Variants in UNC5D observed in about 807,000 individuals in gnomAD.
UNC5D encodes the protein unc-5 netrin receptor D.
A neutral mutation model predicts 105.4 loss-of-function variants in UNC5D; 39 were observed. The observed-to-expected ratio is 0.37, with a 90% CI of 0.29 to 0.48. The LOEUF is 0.48. UNC5D is among the 20% of genes least tolerant of loss of function. The pLI, the probability that UNC5D is intolerant of heterozygous loss-of-function variation, is 0.98. For synonymous variants in UNC5D, 452 were observed against 450.4 expected (o/e 1.00, Z -0.04); for missense variants, 991 against 1,202.4 (o/e 0.82, Z 2.60).
intron 1 of UNC5D, among the ~76,000 whole-genome samples, chr8:35,271,692 TATACATG>T (rs1249296590): frequency 1.7e-4 from 14 of 80,524 alleles, no homozygotes; most frequent in South Asian, 1.2e-3. Flanking sequence ...TGTATACATG[TATACATG>T]TATACATATA....
At chr8:35,759,903 G>C (rs958148480) in intron 14 of UNC5D, among the ~76,000 whole-genome samples, 1 of 152,164 alleles carries the variant, frequency 6.6e-6, no homozygotes, top group Admixed American at 6.5e-5. Flanking sequence ...GTTGTAGAGA[G>C]CTATGGCTAG....
At chr8:35,339,213 A>T (rs1163392671) in intron 1 of UNC5D, among the ~76,000 whole-genome samples, 1 of 152,184 alleles carries the variant, frequency 6.6e-6, no homozygotes, top group Non-Finnish European at 1.5e-5. Flanking sequence ...TTGAGAGCTA[A>T]TTGAGTGGTT....
At chr8:35,549,596 C>A in intron 2 of UNC5D, 86 bp downstream of exon 2, 1 of 1,285,032 alleles carries the variant, frequency 7.8e-7, no homozygotes, top group Non-Finnish European at 1.1e-6. Flanking sequence ...TGGAAATCAC[C>A]CCCCATTGCC....
At chr8:35,659,218 T>C (rs957844893) in intron 4 of UNC5D, among the ~76,000 whole-genome samples, 2 of 152,176 alleles carry the variant, frequency 1.3e-5, no homozygotes, top group Non-Finnish European at 2.9e-5. Context: ...TGAGATTGTA[T>C]ATTAAATCTA....
At chr8:35,603,346 A>G (rs1185809926) in intron 4 of UNC5D, among the ~76,000 whole-genome samples, 2 of 152,066 alleles carry the variant, frequency 1.3e-5, no homozygotes, top group Admixed American at 6.6e-5. Context: ...CATGTAGTTG[A>G]GCAGTTTTGA....
chr8:35,327,117 G>A (rs997162758), intron 1 of UNC5D, among the ~76,000 whole-genome samples: 1 of 152,110 alleles, frequency 6.6e-6, no homozygotes, highest in Non-Finnish European at 1.5e-5. Context: ...GTGCCTTGGC[G>A]GAAAGATGAA....
At chr8:35,439,892 A>G (rs1807281290) in intron 1 of UNC5D, among the ~76,000 whole-genome samples, 1 of 152,050 alleles carries the variant, frequency 6.6e-6, no homozygotes, top group South Asian at 2.1e-4. Context: ...TTAGTCAAAA[A>G]TCTCTCAGGA....
chr8:35,535,463 G>C (rs1328473383), intron 1 of UNC5D, among the ~76,000 whole-genome samples: 1 of 148,742 alleles, frequency 6.7e-6, no homozygotes, highest in Admixed American at 6.8e-5. Flanking sequence ...TTTTTTTTAA[G>C]CTCCGTAAGT....
intron 1 of UNC5D, among the ~76,000 whole-genome samples, chr8:35,286,033 A>G (rs1306972551): frequency 6.6e-6 from 1 of 152,146 alleles, no homozygotes; most frequent in Non-Finnish European, 1.5e-5. Context: ...TGAGGCCCCA[A>G]AGTTTTATAT....
intron 2 of UNC5D, among the ~76,000 whole-genome samples, chr8:35,553,814 G>C (rs751368774): frequency 6.6e-6 from 1 of 152,184 alleles, no homozygotes; most frequent in Admixed American, 6.5e-5. Context: ...CTGGGAAACA[G>C]GACTTGACTA....
intron 4 of UNC5D, among the ~76,000 whole-genome samples, chr8:35,619,569 T>C (rs1036299765): frequency 6.6e-6 from 1 of 152,342 alleles, no homozygotes; most frequent in East Asian, 1.9e-4. Flanking sequence ...TGTGTCTGTC[T>C]GTCTGTTTCA....
chr8:35,582,003 C>T (rs187069301), intron 3 of UNC5D, among the ~76,000 whole-genome samples: 11 of 152,284 alleles, frequency 7.2e-5, no homozygotes, highest in Admixed American at 3.3e-4. Context: ...ATGATAATCT[C>T]TTTGCTGCTT....
chr8:35,695,218 TTC>T (rs1316026551), intron 7 of UNC5D, among the ~76,000 whole-genome samples: 1 of 152,176 alleles, frequency 6.6e-6, no homozygotes, highest in Non-Finnish European at 1.5e-5. Flanking sequence ...TTCCTAGAGC[TTC>T]TGATAAGTAG....
chr8:35,251,850 C>T (rs1324758292), intron 1 of UNC5D, among the ~76,000 whole-genome samples: 1 of 151,996 alleles, frequency 6.6e-6, no homozygotes, highest in African/African-American at 2.4e-5. Flanking sequence ...CCTGGTAGTT[C>T]CTCATACGGA....
At chr8:35,305,283 C>T (rs1425027005) in intron 1 of UNC5D, among the ~76,000 whole-genome samples, 1 of 152,004 alleles carries the variant, frequency 6.6e-6, no homozygotes, top group Non-Finnish European at 1.5e-5. Context: ...CTTAAAATAG[C>T]ATGGAATTCT....
intron 1 of UNC5D, among the ~76,000 whole-genome samples, chr8:35,521,465 T>C (rs944912998): frequency 1.3e-5 from 2 of 152,164 alleles, no homozygotes; most frequent in Non-Finnish European, 2.9e-5. Flanking sequence ...GACCATGTTT[T>C]AAGAGTGGTT....
intron 1 of UNC5D, among the ~76,000 whole-genome samples, chr8:35,543,367 C>T (rs867256432): frequency 6.6e-6 from 1 of 152,166 alleles, no homozygotes; most frequent in African/African-American, 2.4e-5. Context: ...AAACAATAAT[C>T]CAATGGATCA....
chr8:35,489,328 C>G (rs753206265), intron 1 of UNC5D, among the ~76,000 whole-genome samples: 119 of 152,032 alleles, frequency 7.8e-4, no homozygotes, highest in Non-Finnish European at 9.6e-4. Context: ...TTCTAACACC[C>G]TAACACCCGG....
At chr8:35,739,482 C>A (rs1329817984) in intron 11 of UNC5D, among the ~76,000 whole-genome samples, 1 of 152,164 alleles carries the variant, frequency 6.6e-6, no homozygotes, top group Non-Finnish European at 1.5e-5. Flanking sequence ...TTGCTATCAT[C>A]TTAATGATTG....
Sources: allele counts gnomAD v4.1 joint callset (sites outside exome capture counted in the v4.1 genomes callset), GRCh38; gene constraint gnomAD v4.1.1; transcripts MANE v1.5; gene names NCBI Gene and HGNC (gene_info 2026-07-23, HGNC 2026-07-21).